The following BLTP1 variants were observed in gnomAD, a reference collection of about 807,000 sequenced individuals.
BLTP1 encodes the protein bridge-like lipid transfer protein family member 1.
chr4:122,153,951 A>G, the BLTP1 span: 1 of 964,532 alleles, frequency 1.0e-6, no homozygotes, highest in African/African-American at 1.8e-5. Flanking sequence ...ACGAAATCAT[A>G]TAATCAGAAA....
At chr4:122,246,603 A>C in the BLTP1 span, 1 of 1,485,162 alleles carries the variant, frequency 6.7e-7, no homozygotes, top group South Asian at 1.3e-5. Flanking sequence ...TCTTAACAGT[A>C]GTTTTTCATT....
At chr4:122,324,912 A>G in the BLTP1 span, among the ~76,000 whole-genome samples, 3 of 151,998 alleles carry the variant, frequency 2.0e-5, no homozygotes, top group African/African-American at 4.8e-5. Flanking sequence ...TAGAAAAGGT[A>G]TAGTCACACA....
At chr4:122,246,307 T>G in the BLTP1 span, 4 of 1,553,180 alleles carry the variant, frequency 2.6e-6, no homozygotes, top group African/African-American at 5.6e-5. Context: ...AGGTAACAAT[T>G]TAATATTTAA....
the BLTP1 span, chr4:122,279,687 G>A: frequency 7.1e-7 from 1 of 1,411,886 alleles, no homozygotes; most frequent in African/African-American, 1.5e-5. Flanking sequence ...AAATTTATAA[G>A]TATTTTTCTT....
At chr4:122,354,093 AAATGGAG>A in the BLTP1 span, 1 of 1,268,154 alleles carries the variant, frequency 7.9e-7, no homozygotes, top group Non-Finnish European at 1.1e-6. Context: ...TTTAGAATTT[AAATGGAG>A]ATGGTGTTTT....
the BLTP1 span, chr4:122,346,076 G>C: frequency 5.5e-6 from 5 of 904,082 alleles, no homozygotes; most frequent in East Asian, 5.9e-4. Context: ...AGAAATTTTA[G>C]CTGTGGGAGT....
chr4:122,316,663 T>C, the BLTP1 span: 1 of 1,560,168 alleles, frequency 6.4e-7, no homozygotes. Flanking sequence ...AAGGTGTTAA[T>C]TTTGTGATAG....
At chr4:122,152,493 G>C in the BLTP1 span, 3 of 985,738 alleles carry the variant, frequency 3.0e-6, no homozygotes, top group African/African-American at 5.2e-5. Context: ...GCTCGGTGCT[G>C]CTGCCGTCGC....
At chr4:122,332,579 A>G in the BLTP1 span, among the ~76,000 whole-genome samples, 7 of 151,656 alleles carry the variant, frequency 4.6e-5, no homozygotes, top group East Asian at 3.9e-4. Context: ...ACTTTTTTCA[A>G]CTTCTTAAAT....
At chr4:122,316,954 CAAACTCTTT>C in the BLTP1 span, 9 of 868,388 alleles carry the variant, frequency 1.0e-5, no homozygotes, top group Non-Finnish European at 1.5e-5. Flanking sequence ...TGGTCTAATA[CAAACTCTTT>C]AGTTTATCTG....
chr4:122,205,631 TTC>T, the BLTP1 span, among the ~76,000 whole-genome samples: 5 of 52,790 alleles, frequency 9.5e-5, no homozygotes, highest in Admixed American at 2.7e-4. Context: ...TTCCAATTGT[TTC>T]CCCCCCCTTC....
At chr4:122,319,991 C>T in the BLTP1 span, among the ~76,000 whole-genome samples, 5 of 152,092 alleles carry the variant, frequency 3.3e-5, no homozygotes. Flanking sequence ...ATCCAATTGA[C>T]TGATGATATG....
the BLTP1 span, chr4:122,196,834 T>C: frequency 2.6e-6 from 3 of 1,134,724 alleles, no homozygotes; most frequent in African/African-American, 4.9e-5. Flanking sequence ...ATTTAAAATT[T>C]TGACATTATT....
the BLTP1 span, chr4:122,172,278 A>G: frequency 7.0e-6 from 5 of 709,618 alleles, no homozygotes; most frequent in Non-Finnish European, 3.5e-6. Flanking sequence ...TTGCTTTTCT[A>G]TAACTTTCTC....
At chr4:122,320,113 A>G in the BLTP1 span, among the ~76,000 whole-genome samples, 3 of 151,924 alleles carry the variant, frequency 2.0e-5, no homozygotes, top group African/African-American at 7.3e-5. Context: ...TTCTCCTTGC[A>G]TTTCTCTTAG....
chr4:122,230,372 A>AT, the BLTP1 span, among the ~76,000 whole-genome samples: 1 of 152,212 alleles, frequency 6.6e-6, no homozygotes, highest in African/African-American at 2.4e-5. Context: ...AGGACCTGAT[A>AT]TTTAAGTAAA....
At chr4:122,247,018 A>AT in the BLTP1 span, 1 of 1,306,740 alleles carries the variant, frequency 7.7e-7, no homozygotes, top group Non-Finnish European at 1.0e-6. Flanking sequence ...CTTTCAGTAA[A>AT]CATTGAATAA....
the BLTP1 span, among the ~76,000 whole-genome samples, chr4:122,310,739 T>C: frequency 6.6e-6 from 1 of 152,266 alleles, no homozygotes; most frequent in East Asian, 1.9e-4. Context: ...TCAAATTGCT[T>C]CAGTTTAAAA....
At chr4:122,349,811 G>GT in the BLTP1 span, 5 of 1,594,126 alleles carry the variant, frequency 3.1e-6, no homozygotes, top group South Asian at 5.7e-5. The surrounding 1 kb of genome is among the most constrained non-coding windows in gnomAD (Gnocchi z 4.5). Flanking sequence ...TACTTTTTGA[G>GT]TATCTGCTGT....
Sources: gnomAD v4.1 joint callset for allele counts (sites outside exome capture counted in the v4.1 genomes callset) on GRCh38, gnomAD v4.1.1 for gene constraint, Gnocchi (gnomAD v3.1) non-coding constraint, MANE v1.5 for transcripts, NCBI Gene and HGNC (gene_info 2026-07-23, HGNC 2026-07-21) for gene names.